Variants in CAMK2D observed in about 807,000 individuals in gnomAD.
CAMK2D encodes the protein calcium/calmodulin dependent protein kinase II delta.
In CAMK2D, 37 loss-of-function variants were observed where a neutral mutation model predicts 84.0. That is an observed-to-expected ratio of 0.44 (90% CI 0.34 to 0.58). CAMK2D has a LOEUF of 0.58. CAMK2D is among the 20% of genes least tolerant of loss of function. The pLI, the probability that CAMK2D is intolerant of heterozygous loss-of-function variation, is 0.02. For synonymous variants in CAMK2D, 202 were observed against 212.5 expected (o/e 0.95, Z 0.43); for missense variants, 448 against 652.5 (o/e 0.69, Z 3.41).
chr4:113,542,223 A>T (rs1047660721), intron 6 of CAMK2D, among the ~76,000 whole-genome samples: 1 of 152,212 alleles, frequency 6.6e-6, no homozygotes, highest in East Asian at 1.9e-4. Flanking sequence ...TCAACAAAGA[A>T]ATACTGGAAT....
chr4:113,560,715 G>A (rs942689876), intron 4 of CAMK2D, among the ~76,000 whole-genome samples: 13 of 152,240 alleles, frequency 8.5e-5, no homozygotes, highest in African/African-American at 3.1e-4. Flanking sequence ...ACACCAATCA[G>A]TGCCCCATGC....
At chr4:113,662,518 A>T (rs2099238297) in intron 2 of CAMK2D, among the ~76,000 whole-genome samples, 1 of 152,222 alleles carries the variant, frequency 6.6e-6, no homozygotes, top group Non-Finnish European at 1.5e-5. Context: ...TGGTAGAAAC[A>T]CATGTTGCTG....
chr4:113,623,734 G>A (rs2154279269), intron 3 of CAMK2D, among the ~76,000 whole-genome samples: 1 of 144,908 alleles, frequency 6.9e-6, no homozygotes, highest in African/African-American at 2.6e-5. Context: ...TTGTTATGCA[G>A]TGACTGTGTG....
intron 4 of CAMK2D, among the ~76,000 whole-genome samples, chr4:113,600,871 G>A (rs966810879): frequency 2.0e-5 from 3 of 152,194 alleles, no homozygotes; most frequent in Admixed American, 2.0e-4. Context: ...CTAGGCTTAA[G>A]CAATCCTCCT....
At chr4:113,742,129 C>A (rs145158070) in intron 2 of CAMK2D, among the ~76,000 whole-genome samples, 90 of 152,292 alleles carry the variant, frequency 5.9e-4, no homozygotes, top group African/African-American at 2.1e-3. Flanking sequence ...TGTGCCTACA[C>A]ACAGCAGTTG....
At chr4:113,613,304 T>C (rs7670810) in intron 3 of CAMK2D, among the ~76,000 whole-genome samples, 1 of 151,892 alleles carries the variant, frequency 6.6e-6, no homozygotes, top group African/African-American at 2.4e-5. Flanking sequence ...AAATGTAGAG[T>C]TGGATGATTC....
intron 2 of CAMK2D, among the ~76,000 whole-genome samples, chr4:113,663,423 C>CA (rs902656674): frequency 6.6e-5 from 10 of 150,906 alleles, no homozygotes; most frequent in South Asian, 2.1e-4. Flanking sequence ...TCATCTCTAC[C>CA]AAAAAAAACA....
intron 2 of CAMK2D, among the ~76,000 whole-genome samples, chr4:113,740,695 T>C (rs536456592): frequency 6.6e-6 from 1 of 152,234 alleles, no homozygotes; most frequent in African/African-American, 2.4e-5. Context: ...TCAATAGTCA[T>C]GCTTCCTCAC....
At chr4:113,532,077 C>T (rs1590822841) in intron 7 of CAMK2D, among the ~76,000 whole-genome samples, 4 of 152,194 alleles carry the variant, frequency 2.6e-5, no homozygotes, top group Admixed American at 2.6e-4. Context: ...ATTTCTCCAA[C>T]CACAGATCAC....
chr4:113,646,411 C>T (rs914227209), intron 3 of CAMK2D, among the ~76,000 whole-genome samples: 3 of 152,078 alleles, frequency 2.0e-5, no homozygotes, highest in African/African-American at 7.2e-5. Flanking sequence ...AGTAAATATA[C>T]AAAATCTTGT....
chr4:113,562,340 C>A (rs971139786), intron 4 of CAMK2D, among the ~76,000 whole-genome samples: 4 of 152,112 alleles, frequency 2.6e-5, no homozygotes, highest in Non-Finnish European at 5.9e-5. Context: ...TATCTAAAAT[C>A]TTATTTATAC....
chr4:113,655,012 A>T (rs756666685), intron 3 of CAMK2D, among the ~76,000 whole-genome samples: 6 of 152,106 alleles, frequency 3.9e-5, no homozygotes, highest in Non-Finnish European at 8.8e-5. Flanking sequence ...CTTGGTAAGC[A>T]GTACCCCATA....
chr4:113,701,160 CA>C (rs2099416372), intron 2 of CAMK2D, among the ~76,000 whole-genome samples: 1 of 152,170 alleles, frequency 6.6e-6, no homozygotes, highest in Non-Finnish European at 1.5e-5. Flanking sequence ...ATCCCTGCTC[CA>C]AAAGCTTTCT....
chr4:113,526,389 A>G (rs901484873), intron 8 of CAMK2D, among the ~76,000 whole-genome samples: 1 of 148,686 alleles, frequency 6.7e-6, no homozygotes, highest in Non-Finnish European at 1.5e-5. Context: ...CCCTATGGCT[A>G]TAAGTTTCTA....
chr4:113,716,649 C>T, intron 2 of CAMK2D, among the ~76,000 whole-genome samples: 1 of 76,176 alleles, frequency 1.3e-5, no homozygotes, highest in East Asian at 4.1e-4. Flanking sequence ...AGACTCCATC[C>T]AAAAAAAAAA....
chr4:113,604,153 G>C (rs922978230), intron 4 of CAMK2D, among the ~76,000 whole-genome samples: 10 of 151,978 alleles, frequency 6.6e-5, no homozygotes, highest in African/African-American at 2.4e-4. Flanking sequence ...GGAACACAAG[G>C]AACATTCCTT....
chr4:113,516,105 C>T (rs1429364797), intron 9 of CAMK2D, among the ~76,000 whole-genome samples: 3 of 152,112 alleles, frequency 2.0e-5, no homozygotes, highest in Admixed American at 1.3e-4. Context: ...GCCATTGCCA[C>T]TGTGTCATGG....
rs945789300 is a variant in CAMK2D at position 113,754,331 on chromosome 4, C to T, written c.160+4989G>A. ...ACTATGAGTCAACCTCAGTATAAGC[C>T]CAAGGAAGACTTTAAAAATAAATTA... On this transcript the variant is annotated intron_variant, in intron 2 of 20. Transcript: ENST00000511664. The T allele has an allele frequency of 5.1e-6, 5 of 981,994 alleles. No individual in the cohort carries two copies. The African/African-American group carries it at 8.8e-5, about 17-fold the overall frequency. The allele number at this position is 981,994 out of a possible 1,614,324, so 60.8% of individuals were successfully genotyped here. A position where few individuals can be genotyped will look rare whatever the true frequency, so the allele number is the denominator to read the frequency against.
chr4:113,554,320 C>T (rs1034303396), intron 4 of CAMK2D, among the ~76,000 whole-genome samples: 8 of 152,034 alleles, frequency 5.3e-5, no homozygotes, highest in Non-Finnish European at 1.2e-4. Flanking sequence ...TAAAAAAAAT[C>T]ATACAAATAC....
Sources: gnomAD v4.1 joint callset for allele counts (sites outside exome capture counted in the v4.1 genomes callset) on GRCh38, gnomAD v4.1.1 for gene constraint, MANE v1.5 for transcripts, NCBI Gene and HGNC (gene_info 2026-07-23, HGNC 2026-07-21) for gene names.